Variants in FRS2 observed in about 807,000 individuals in gnomAD.
FRS2 encodes fibroblast growth factor receptor substrate 2.
In FRS2, 8 loss-of-function variants were observed where a neutral mutation model predicts 43.9. The ratio of observed to expected loss-of-function variants is 0.18; its 90% CI spans 0.11 to 0.33. The LOEUF (loss-of-function observed/expected upper bound fraction) is 0.33. Among genes scored for constraint, FRS2 ranks in the 10% least tolerant of loss-of-function variants. The probability of loss-of-function intolerance (pLI) is 1.00; values close to 1 mark genes in which losing one functional copy is unlikely to be tolerated. For missense variants in FRS2, 534 were observed against 627.6 expected (o/e 0.85, Z 1.59); for synonymous variants, 219 against 220.3 (o/e 0.99, Z 0.05).
intron 1 of FRS2, among the ~76,000 whole-genome samples, chr12:69,483,916 T>A (rs1447556829): frequency 2.0e-5 from 3 of 152,194 alleles, no homozygotes; most frequent in African/African-American, 7.2e-5. Flanking sequence ...TGGGTATTAG[T>A]GCTGTTTTCT....
At chr12:69,513,120 G>A (rs901613540) in intron 1 of FRS2, among the ~76,000 whole-genome samples, 8 of 146,690 alleles carry the variant, frequency 5.5e-5, no homozygotes, top group South Asian at 2.2e-4. Context: ...TTCTCCTCCC[G>A]CCCCCAAATC....
intron 1 of FRS2, among the ~76,000 whole-genome samples, chr12:69,520,954 G>A (rs531797942): frequency 6.6e-6 from 1 of 151,866 alleles, no homozygotes; most frequent in Non-Finnish European, 1.5e-5. Context: ...TTCTAGTTCT[G>A]TAAAGAATGT....
intron 3 of FRS2, among the ~76,000 whole-genome samples, chr12:69,547,160 A>G (rs1878480519): frequency 6.6e-6 from 1 of 152,244 alleles, no homozygotes; most frequent in Admixed American, 6.5e-5. Flanking sequence ...AGGAGGTAGT[A>G]TAGTCAAAAT....
In FRS2 at chr12:69,578,471, C is replaced by G. The variant is rs1881337989; in HGVS notation, c.*3516C>G. On this transcript the variant is annotated 3_prime_UTR_variant, in exon 9 of 9. Transcript: ENST00000549921. ...CAAACCAGCACCCTATCTATCTTTCCTGTTCTTTACATCCCTGTTCCCCAT... is the reference window on the plus strand; with the variant it reads ...CAAACCAGCACCCTATCTATCTTTCGTGTTCTTTACATCCCTGTTCCCCAT... 1 of 152,420 alleles carries G rather than the reference C, an allele frequency of 6.6e-6. No homozygotes were observed. Among genetic ancestry groups the G allele is most frequent in the Admixed American group, 6.6e-5 (1 of 15,266 alleles). 9.4% of individuals were successfully genotyped at this position (152,420 alleles called of 1,614,324 possible).
intron 3 of FRS2, among the ~76,000 whole-genome samples, chr12:69,558,569 T>A (rs1760909152): frequency 6.6e-6 from 1 of 152,152 alleles, no homozygotes; most frequent in Admixed American, 6.5e-5. Flanking sequence ...TTTGCATGCT[T>A]TCTTCTTAAT....
chr12:69,528,444 A>G (rs555454371), intron 1 of FRS2, among the ~76,000 whole-genome samples: 1 of 152,162 alleles, frequency 6.6e-6, no homozygotes, highest in East Asian at 1.9e-4. Flanking sequence ...AGGGAATGCC[A>G]TTTTTTTGCT....
intron 6 of FRS2, 94 bp from the exon 7 acceptor site, chr12:69,571,182 A>G: frequency 5.5e-6 from 4 of 722,024 alleles, no homozygotes; most frequent in Non-Finnish European, 9.1e-6. Flanking sequence ...GGTGCGTAGA[A>G]TGCTTACTTT....
chr12:69,562,327 TTTTTTATTTTTATTTTAA>T, intron 4 of FRS2, 53 bp downstream of exon 4: 1 of 397,814 alleles, frequency 2.5e-6, no homozygotes, highest in Non-Finnish European at 4.4e-6. Flanking sequence ...TTTACAATTA[TTTTTTATTTTTATTTTAA>T]ATACAGATGA....
At chr12:69,557,594 TTGTGTGTGTG>T (rs376896422) in intron 3 of FRS2, among the ~76,000 whole-genome samples, 4 of 137,026 alleles carry the variant, frequency 2.9e-5, no homozygotes, top group Non-Finnish European at 4.7e-5. Context: ...TGAAGGTTGA[TTGTGTGTGTG>T]TGTGTGTGTG....
chr12:69,519,001 A>G (rs1276497580), intron 1 of FRS2, among the ~76,000 whole-genome samples: 3 of 151,870 alleles, frequency 2.0e-5, no homozygotes, highest in Non-Finnish European at 4.4e-5. Flanking sequence ...CGTCTCAAAA[A>G]AAAAAAAAAA....
At chr12:69,572,518 T>C (rs969669798) in intron 8 of FRS2, among the ~76,000 whole-genome samples, 2 of 152,196 alleles carry the variant, frequency 1.3e-5, no homozygotes, top group African/African-American at 4.8e-5. Flanking sequence ...GAGGTACATC[T>C]ATAGATTAAG....
At chr12:69,493,692 G>A (rs1181756084) in intron 1 of FRS2, among the ~76,000 whole-genome samples, 2 of 152,200 alleles carry the variant, frequency 1.3e-5, no homozygotes, top group African/African-American at 4.8e-5. Flanking sequence ...TTGCACTCCA[G>A]CCTGGGCAAC....
intron 1 of FRS2, among the ~76,000 whole-genome samples, chr12:69,514,052 C>CT (rs1321014596): frequency 3.4e-4 from 51 of 149,106 alleles, no homozygotes; most frequent in African/African-American, 9.8e-4. Context: ...TGGAAAATTG[C>CT]TTTTTTTTTT....
chr12:69,498,018 A>AT (rs11304419), intron 1 of FRS2, among the ~76,000 whole-genome samples: 29 of 151,160 alleles, frequency 1.9e-4, no homozygotes, highest in South Asian at 2.1e-4. Flanking sequence ...GTTTTTTCAG[A>AT]TTTTTTTTTT....
chr12:69,487,644 T>A (rs899287805), intron 1 of FRS2, among the ~76,000 whole-genome samples: 7 of 152,206 alleles, frequency 4.6e-5, no homozygotes, highest in African/African-American at 1.7e-4. Flanking sequence ...GATTGAGGAG[T>A]AATTTTGACT....
At chr12:69,542,657 T>C (rs1298142715) in intron 3 of FRS2, among the ~76,000 whole-genome samples, 1 of 152,250 alleles carries the variant, frequency 6.6e-6, no homozygotes, top group East Asian at 1.9e-4. Context: ...ACCATGTTTC[T>C]ATTTTCGCTG....
At chr12:69,559,810 C>G (rs943042804) in intron 3 of FRS2, among the ~76,000 whole-genome samples, 1 of 150,928 alleles carries the variant, frequency 6.6e-6, no homozygotes, top group East Asian at 1.9e-4. Flanking sequence ...ACAACCAGAC[C>G]GTGGACACAA....
At chr12:69,545,717 C>CAG (rs1878315983) in intron 3 of FRS2, among the ~76,000 whole-genome samples, 2 of 137,896 alleles carry the variant, frequency 1.5e-5, no homozygotes, top group Non-Finnish European at 3.0e-5. Context: ...GATCGTGCCA[C>CAG]TGCACTCCAG....
chr12:69,558,912 A>G (rs780082400), intron 3 of FRS2, among the ~76,000 whole-genome samples: 1 of 152,218 alleles, frequency 6.6e-6, no homozygotes, highest in African/African-American at 2.4e-5. Flanking sequence ...GAATTAATTC[A>G]TTGTTTAATT....
Sources: gnomAD v4.1 joint callset for allele counts (sites outside exome capture counted in the v4.1 genomes callset) on GRCh38, gnomAD v4.1.1 for gene constraint, MANE v1.5 for transcripts, NCBI Gene and HGNC (gene_info 2026-07-23, HGNC 2026-07-21) for gene names.